The following PCDHA5 variants were observed in gnomAD, a reference collection of about 807,000 sequenced individuals.
PCDHA5 encodes protocadherin alpha-5.
Under a neutral mutation model 61.6 loss-of-function variants are expected in PCDHA5, and 43 were observed. That is an observed-to-expected ratio of 0.70 (90% CI 0.55 to 0.90). The LOEUF (loss-of-function observed/expected upper bound fraction) is 0.90. PCDHA5 is among the 40% of genes least tolerant of loss of function. The pLI is 0.00. For missense variants in PCDHA5, 1,298 were observed against 1,222.7 expected (o/e 1.06, Z -0.92); for synonymous variants, 627 against 543.9 (o/e 1.15, Z -2.13).
chr5:140,869,687 T>C, intron 1 of PCDHA5: 1 of 1,613,474 alleles, frequency 6.2e-7, no homozygotes, highest in Non-Finnish European at 8.5e-7. Context: ...CTGTCACTTA[T>C]TTTAAAGAAG....
intron 1 of PCDHA5, among the ~76,000 whole-genome samples, chr5:140,934,783 A>C (rs2090034582): frequency 6.6e-6 from 1 of 152,180 alleles, no homozygotes; most frequent in Non-Finnish European, 1.5e-5. Context: ...GGCCCAATCC[A>C]TGTCAATTAT....
chr5:140,990,136 A>C (rs996616541), intron 3 of PCDHA5, among the ~76,000 whole-genome samples: 1 of 152,198 alleles, frequency 6.6e-6, no homozygotes, highest in African/African-American at 2.4e-5. Context: ...GTCAGACTCA[A>C]GAGGCATAAT....
intron 1 of PCDHA5, among the ~76,000 whole-genome samples, chr5:140,974,081 C>T (rs1432185201): frequency 6.6e-6 from 1 of 152,196 alleles, no homozygotes; most frequent in African/African-American, 2.4e-5. Context: ...ATAACCATGA[C>T]TTCAAAAATC....
At chr5:140,856,015 G>T (rs781811609) in intron 1 of PCDHA5, 3 of 1,550,260 alleles carry the variant, frequency 1.9e-6, no homozygotes, top group Non-Finnish European at 2.6e-6. Flanking sequence ...CTAGACCGCT[G>T]ATTCGTCGAT....
intron 1 of PCDHA5, among the ~76,000 whole-genome samples, chr5:140,840,447 C>T (rs1442089035): frequency 1.3e-5 from 2 of 151,740 alleles, no homozygotes; most frequent in East Asian, 1.9e-4. Flanking sequence ...GAAATAGAAA[C>T]GTTAAATAAA....
At chr5:140,976,080 A>G (rs1487401919) in intron 1 of PCDHA5, among the ~76,000 whole-genome samples, 1 of 152,226 alleles carries the variant, frequency 6.6e-6, no homozygotes, top group African/African-American at 2.4e-5. Flanking sequence ...TGTGTCAGAT[A>G]TATCAGTAGT....
At chr5:140,876,238 CA>C in intron 1 of PCDHA5, 4 of 1,613,896 alleles carry the variant, frequency 2.5e-6, no homozygotes, top group Non-Finnish European at 3.4e-6. Context: ...TGAAAATGTC[CA>C]AAACGACACA....
intron 1 of PCDHA5, chr5:140,824,631 T>TTTTTTTTTTTTTTTTTTTTTTG (rs1768292344): frequency 8.2e-6 from 1 of 121,430 alleles, no homozygotes; most frequent in Non-Finnish European, 1.7e-5. Context: ...TTTTTTTTTT[T>TTTTTTTTTTTTTTTTTTTTTTG]TATTTTCTGT....
At chr5:140,943,200 G>A (rs2093432800) in intron 1 of PCDHA5, among the ~76,000 whole-genome samples, 1 of 140,910 alleles carries the variant, frequency 7.1e-6, no homozygotes, top group Non-Finnish European at 1.5e-5. Context: ...GGAGGCTGCA[G>A]TAAGCCAAGA....
rs114567887 is a variant in PCDHA5, at chr5:140,974,104, T to G, written c.2353-4845T>G. The stretch of plus-strand genomic sequence containing the variant: ...GACTTCAAAAATCAAAGGTTAAAAG[T>G]ATTCTTTTGCAGTGTTTTAAATCTG... On this transcript the variant is annotated intron_variant, in intron 1 of 3. Coordinates refer to ENST00000529859, the MANE Select transcript of PCDHA5 (RefSeq NM_018908.3). Among the ~76,000 whole-genome samples, 1,327 of 152,364 alleles carry G rather than the reference T, an allele frequency of 8.7e-3. 24 individuals carry two copies. Among genetic ancestry groups the G allele is most frequent in the African/African-American group, 0.03 (1,240 of 41,584 alleles).
chr5:140,836,651 G>A (rs1774653437), intron 1 of PCDHA5: 1 of 1,613,546 alleles, frequency 6.2e-7, no homozygotes, highest in East Asian at 2.2e-5. Flanking sequence ...AGAGGCGGCA[G>A]AGGGTGTGCT....
At chr5:140,827,455 G>C (rs1173734499) in intron 1 of PCDHA5, among the ~76,000 whole-genome samples, 1 of 152,188 alleles carries the variant, frequency 6.6e-6, no homozygotes, top group African/African-American at 2.4e-5. Flanking sequence ...AGAACCTTAA[G>C]AGCATCTGAT....
chr5:140,887,238 C>A (rs1191260946), intron 1 of PCDHA5, among the ~76,000 whole-genome samples: 3 of 151,738 alleles, frequency 2.0e-5, no homozygotes, highest in African/African-American at 4.8e-5. Flanking sequence ...CTGAGACTAC[C>A]GGCGCCCGCC....
In PCDHA5 at chr5:140,882,919, A is replaced by G. The variant is rs781879301; in HGVS notation, c.2352+58792A>G. 7.4e-6 allele frequency: 12 copies of G among 1,614,104 alleles called. No homozygotes were observed. In the East Asian group the frequency reaches 2.7e-4, roughly 36 times the overall value. The stretch of plus-strand genomic sequence containing the variant: ...GTTTATTACTGACAGCCAGTGATGG[A>G]GGTAAACCCGAGCTGACTGGCACAG... On this transcript the variant is annotated intron_variant, in intron 1 of 3. Coordinates refer to ENST00000529859, the MANE Select transcript of PCDHA5 (RefSeq NM_018908.3).
intron 1 of PCDHA5, chr5:140,884,351 G>A: frequency 6.2e-7 from 1 of 1,613,946 alleles, no homozygotes; most frequent in Non-Finnish European, 8.5e-7. Context: ...GGCGCTGGTG[G>A]ATGTCAATGT....
chr5:140,967,842 A>G (rs1239466478), intron 1 of PCDHA5: 1 of 1,614,042 alleles, frequency 6.2e-7, no homozygotes, highest in Non-Finnish European at 8.5e-7. Flanking sequence ...GTGGACGTGA[A>G]TGACAATGCC....
chr5:140,888,129 A>G (rs2061706592), intron 1 of PCDHA5, among the ~76,000 whole-genome samples: 2 of 152,024 alleles, frequency 1.3e-5, no homozygotes, highest in Admixed American at 1.3e-4. Flanking sequence ...CTATGGATAT[A>G]TTTTCTTGCT....
intron 1 of PCDHA5, chr5:140,884,155 C>G: frequency 6.2e-7 from 1 of 1,613,430 alleles, no homozygotes; most frequent in Non-Finnish European, 8.5e-7. Context: ...TGTACACTGG[C>G]GAGATCAGCA....
chr5:140,985,739 C>CTTT (rs11372071), intron 3 of PCDHA5, among the ~76,000 whole-genome samples: 39 of 117,922 alleles, frequency 3.3e-4, no homozygotes, highest in Non-Finnish European at 4.1e-4. Context: ...TGATGAATTC[C>CTTT]TTTTTTTTTT....
Sources: gnomAD v4.1 joint callset for allele counts (sites outside exome capture counted in the v4.1 genomes callset) on GRCh38, gnomAD v4.1.1 for gene constraint, MANE v1.5 for transcripts, NCBI Gene and HGNC (gene_info 2026-07-23, HGNC 2026-07-21) for gene names.